Variants in SEMA3D observed in about 807,000 individuals in gnomAD.
The protein encoded by SEMA3D is semaphorin-3D.
In SEMA3D, 84 loss-of-function variants were observed where a neutral mutation model predicts 100.1. The observed-to-expected ratio is 0.84, with a 90% CI of 0.70 to 1.01. The LOEUF (loss-of-function observed/expected upper bound fraction) is 1.01, where lower values mean the gene tolerates loss of function less well. SEMA3D is among the 50% of genes least tolerant of loss of function. The pLI is 0.00. For missense variants in SEMA3D, 875 were observed against 934.1 expected (o/e 0.94, Z 0.82); for synonymous variants, 312 against 320.7 (o/e 0.97, Z 0.29).
chr7:85,067,045 G>A (rs949217758), intron 7 of SEMA3D, among the ~76,000 whole-genome samples: 1 of 151,380 alleles, frequency 6.6e-6, no homozygotes, highest in Non-Finnish European at 1.5e-5. Context: ...TTTCATTGTG[G>A]GCATATTTTT....
the SEMA3D span, among the ~76,000 whole-genome samples, chr7:85,214,321 T>C: frequency 4.8e-3 from 737 of 152,240 alleles, 6 homozygotes; most frequent in African/African-American, 0.017. Flanking sequence ...GTTGTACACA[T>C]ATTGTAATAA....
chr7:85,066,982 TG>T (rs1245354471), intron 7 of SEMA3D, among the ~76,000 whole-genome samples: 1 of 150,808 alleles, frequency 6.6e-6, no homozygotes, highest in Non-Finnish European at 1.5e-5. Flanking sequence ...GATAAGGTAC[TG>T]CTTCCATCCT....
intron 2 of SEMA3D, among the ~76,000 whole-genome samples, chr7:85,145,961 T>C (rs1265728088): frequency 1.3e-5 from 2 of 152,204 alleles, no homozygotes; most frequent in African/African-American, 4.8e-5. Context: ...TCCCTTGGAT[T>C]CAGCATACAA....
At chr7:85,237,658 C>A in the SEMA3D span, among the ~76,000 whole-genome samples, 1 of 152,042 alleles carries the variant, frequency 6.6e-6, no homozygotes, top group Admixed American at 6.6e-5. Flanking sequence ...GCCTGATGTA[C>A]CCCAATTTTT....
chr7:85,159,511 C>A (rs192049345), intron 1 of SEMA3D, among the ~76,000 whole-genome samples: 28 of 152,244 alleles, frequency 1.8e-4, no homozygotes, highest in Admixed American at 1.4e-3. Context: ...CACATGTGTA[C>A]TCTGAAGGTG....
chr7:85,186,638 C>T (rs540828925), intron 1 of SEMA3D, 40 bp downstream of exon 1: 2 of 152,592 alleles, frequency 1.3e-5, no homozygotes, highest in African/African-American at 4.8e-5. Context: ...CTCCAGCACA[C>T]CCTCCCACTG....
chr7:85,203,826 A>G, the SEMA3D span, among the ~76,000 whole-genome samples: 1 of 152,096 alleles, frequency 6.6e-6, no homozygotes, highest in Non-Finnish European at 1.5e-5. Flanking sequence ...AAACAAAAAC[A>G]AAAACTTTGA....
chr7:85,045,557 T>C (rs955529020), intron 9 of SEMA3D, among the ~76,000 whole-genome samples: 1 of 151,992 alleles, frequency 6.6e-6, no homozygotes, highest in Non-Finnish European at 1.5e-5. Context: ...AGTTATTGGA[T>C]GATTTCAGAT....
the SEMA3D span, among the ~76,000 whole-genome samples, chr7:85,237,517 A>G: frequency 6.6e-6 from 1 of 152,184 alleles, no homozygotes; most frequent in African/African-American, 2.4e-5. Context: ...AGAATGTCAT[A>G]TAGTTGAAAT....
chr7:85,172,967 G>C (rs958981756), intron 1 of SEMA3D, among the ~76,000 whole-genome samples: 1 of 152,020 alleles, frequency 6.6e-6, no homozygotes, highest in African/African-American at 2.4e-5. Flanking sequence ...AAGATCCCAA[G>C]AGCAATACCT....
At chr7:85,040,647 C>T (rs780393318) in intron 11 of SEMA3D, 26 bp downstream of exon 11, 5 of 1,125,934 alleles carry the variant, frequency 4.4e-6, no homozygotes, top group Non-Finnish European at 1.3e-6. Flanking sequence ...TTCTCTGAAG[C>T]ATTAAAAGCA....
At chr7:85,009,781 A>G (rs552911829) in intron 17 of SEMA3D, among the ~76,000 whole-genome samples, 2 of 151,942 alleles carry the variant, frequency 1.3e-5, no homozygotes, top group East Asian at 3.9e-4. Flanking sequence ...CTCAAATGCT[A>G]TCCATCTGAA....
At chr7:85,139,656 T>A (rs1214917526) in intron 2 of SEMA3D, among the ~76,000 whole-genome samples, 3 of 152,090 alleles carry the variant, frequency 2.0e-5, no homozygotes, top group Admixed American at 1.3e-4. Flanking sequence ...CATTTTAATA[T>A]ACTTCATTAT....
chr7:85,225,594 T>C, the SEMA3D span, among the ~76,000 whole-genome samples: 1 of 152,192 alleles, frequency 6.6e-6, no homozygotes, highest in African/African-American at 2.4e-5. Flanking sequence ...TCAGCAATTT[T>C]GATTTAGGTA....
intron 3 of SEMA3D, among the ~76,000 whole-genome samples, chr7:85,102,838 G>A (rs1388034946): frequency 1.3e-5 from 2 of 151,894 alleles, no homozygotes; most frequent in African/African-American, 4.8e-5. Context: ...ATAGCCACTT[G>A]CTTTATTTTC....
chr7:85,070,659 C>T (rs1020663334), intron 6 of SEMA3D, among the ~76,000 whole-genome samples: 1 of 152,150 alleles, frequency 6.6e-6, no homozygotes, highest in Non-Finnish European at 1.5e-5. Flanking sequence ...GTTCAATGCC[C>T]CTGTTTACCC....
chr7:85,196,368 A>AG, the SEMA3D span, among the ~76,000 whole-genome samples: 1 of 150,884 alleles, frequency 6.6e-6, no homozygotes, highest in Non-Finnish European at 1.5e-5. Context: ...AAACAAACAA[A>AG]CATGGAAGAA....
intron 1 of SEMA3D, chr7:85,159,782 C>T (rs1790694108): frequency 2.1e-6 from 2 of 948,810 alleles, no homozygotes; most frequent in African/African-American, 1.8e-5. Flanking sequence ...CAGAGCTATT[C>T]ACTTTGACAG....
chr7:85,058,617 G>A (rs183114113), intron 8 of SEMA3D, among the ~76,000 whole-genome samples: 160 of 148,250 alleles, frequency 1.1e-3, no homozygotes, highest in African/African-American at 3.7e-3. Context: ...GCGTGGTGGC[G>A]GGCGCCTGCA....
Sources: gnomAD v4.1 joint callset for allele counts (sites outside exome capture counted in the v4.1 genomes callset) on GRCh38, gnomAD v4.1.1 for gene constraint, MANE v1.5 for transcripts, NCBI Gene and HGNC (gene_info 2026-07-23, HGNC 2026-07-21) for gene names.